PVT1: variants seen among roughly 807,000 people sequenced by gnomAD.
PVT1 encodes the protein CXCR4/PVT1 fusion.
At chr8:128,052,062 A>G (rs553286267) in intron 4 of PVT1, among the ~76,000 whole-genome samples, 3 of 152,132 alleles carry the variant, frequency 2.0e-5, no homozygotes, top group South Asian at 2.1e-4. Flanking sequence ...TTCTTTACCA[A>G]TTAGCTTTGG....
At chr8:127,977,131 TACTC>T (rs1422238136) in intron 3 of PVT1, among the ~76,000 whole-genome samples, 1 of 152,236 alleles carries the variant, frequency 6.6e-6, no homozygotes, top group Non-Finnish European at 1.5e-5. Context: ...CCTCATCACT[TACTC>T]TTGTTTGCAC....
intron 3 of PVT1, among the ~76,000 whole-genome samples, chr8:127,929,199 GT>G (rs34027484): frequency 0.051 from 6,990 of 138,004 alleles, 424 homozygotes; most frequent in African/African-American, 0.16. Context: ...TCATTTTTCT[GT>G]TTTTTTTTTT....
At chr8:127,984,646 G>A (rs1052933412) in intron 3 of PVT1, among the ~76,000 whole-genome samples, 1 of 152,026 alleles carries the variant, frequency 6.6e-6, no homozygotes, top group Non-Finnish European at 1.5e-5. Context: ...TTGCTCTGTC[G>A]CCCAGGCTGG....
At chr8:128,061,691 A>C (rs1327073031) in intron 4 of PVT1, among the ~76,000 whole-genome samples, 2 of 152,194 alleles carry the variant, frequency 1.3e-5, no homozygotes, top group Admixed American at 1.3e-4. Flanking sequence ...CATTCATATG[A>C]CGGTGCTAGA....
chr8:127,893,772 T>G (rs1815640291), intron 3 of PVT1, among the ~76,000 whole-genome samples: 1 of 152,228 alleles, frequency 6.6e-6, no homozygotes, highest in Admixed American at 6.5e-5. Flanking sequence ...AGCTGGCTAA[T>G]TTCTCTTCTC....
rs982639363 is a variant in PVT1 at position 127,812,452 on chromosome 8, C to T, written n.372+16381C>T. Among the ~76,000 whole-genome samples, 3 of 152,030 alleles carry T rather than the reference C, an allele frequency of 2.0e-5. No individual in the cohort carries two copies. In the South Asian group the frequency reaches 6.2e-4, roughly 32 times the overall value. On this transcript the variant is annotated intron_variant and non_coding_transcript_variant, in intron 2 of 10. Coordinates refer to ENST00000651587, the Ensembl canonical transcript of PVT1. ...AGCCAGTGGCATGCACCTGTGGTCC[C>T]AGGAGGCCAAAGCTGGAGGATTGCT...
intron 3 of PVT1, among the ~76,000 whole-genome samples, chr8:127,914,211 C>T (rs778651760): frequency 5.9e-4 from 76 of 128,644 alleles, no homozygotes; most frequent in Admixed American, 9.6e-4. Context: ...TGAGATACCC[C>T]TTCATACCTA....
intron 2 of PVT1, among the ~76,000 whole-genome samples, chr8:127,856,553 C>T (rs957605489): frequency 5.3e-5 from 8 of 151,970 alleles, no homozygotes; most frequent in African/African-American, 1.9e-4. Flanking sequence ...GTTGGTCAGG[C>T]TGGTCTCGAA....
intron 4 of PVT1, among the ~76,000 whole-genome samples, chr8:128,020,300 A>C (rs1273041912): frequency 6.6e-6 from 1 of 152,242 alleles, no homozygotes; most frequent in Non-Finnish European, 1.5e-5. Flanking sequence ...GTTACTAATC[A>C]ATTGACTTCT....
chr8:128,079,509 G>A (rs1586510784), intron 5 of PVT1, among the ~76,000 whole-genome samples: 1 of 152,094 alleles, frequency 6.6e-6, no homozygotes, highest in Admixed American at 6.5e-5. Context: ...TCTTTGTGTT[G>A]TATAGTTCTG....
intron 3 of PVT1, among the ~76,000 whole-genome samples, chr8:127,926,309 G>T (rs977073692): frequency 2.0e-5 from 3 of 152,174 alleles, no homozygotes; most frequent in African/African-American, 7.2e-5. Context: ...GTGACTAATT[G>T]TAGTGGTTGT....
At chr8:127,815,234 TG>T (rs1207718925) in intron 2 of PVT1, among the ~76,000 whole-genome samples, 2 of 152,232 alleles carry the variant, frequency 1.3e-5, no homozygotes, top group Non-Finnish European at 2.9e-5. Flanking sequence ...CCCTAAGTGC[TG>T]GGATTACAGG....
chr8:128,047,469 T>C (rs1290163458), intron 4 of PVT1, among the ~76,000 whole-genome samples: 1 of 152,162 alleles, frequency 6.6e-6, no homozygotes, highest in African/African-American at 2.4e-5. Flanking sequence ...ACCCTTTTAC[T>C]AGAGCCCCAC....
intron 4 of PVT1, among the ~76,000 whole-genome samples, chr8:128,002,887 T>C (rs1817196598): frequency 6.6e-6 from 1 of 152,100 alleles, no homozygotes; most frequent in Non-Finnish European, 1.5e-5. Flanking sequence ...TTTTTTTCCT[T>C]TTCTTTTCTT....
At chr8:127,808,800 C>T (rs538535328) in intron 2 of PVT1, among the ~76,000 whole-genome samples, 23 of 151,876 alleles carry the variant, frequency 1.5e-4, no homozygotes, top group Admixed American at 9.8e-4. Context: ...CAGGCTGAGG[C>T]GGGCAGATCA....
rs116649914 is a variant in PVT1, at chr8:127,944,578, C to A, written n.783-44584C>A. ...CATTTTTTTTTTTTTTAAATGGTGA[C>A]CCAAGTTCCATTATGGACGATCAGG... On this transcript the variant is annotated intron_variant and non_coding_transcript_variant, in intron 3 of 10. Transcript: ENST00000651587. Among the ~76,000 whole-genome samples, 3 of 149,876 alleles carry A rather than the reference C, an allele frequency of 2.0e-5. No homozygotes were observed. The South Asian group carries it at 6.3e-4, about 31-fold the overall frequency.
intron 2 of PVT1, among the ~76,000 whole-genome samples, chr8:127,819,092 C>T (rs1318511751): frequency 6.6e-6 from 1 of 152,196 alleles, no homozygotes; most frequent in Non-Finnish European, 1.5e-5. Flanking sequence ...TGCTCTCTAA[C>T]TGGCTGCGAG....
At chr8:128,014,156 C>CT (rs1817345304) in intron 4 of PVT1, among the ~76,000 whole-genome samples, 1 of 152,144 alleles carries the variant, frequency 6.6e-6, no homozygotes, top group Non-Finnish European at 1.5e-5. Flanking sequence ...GGGAATGTGT[C>CT]TTTTTTGCAT....
chr8:127,868,770 CATATATATATAT>C (rs869296227), intron 2 of PVT1, among the ~76,000 whole-genome samples: 2 of 504 alleles, frequency 4.0e-3, no homozygotes, highest in Admixed American at 0.026. Flanking sequence ...TTCCTTTTAA[CATATATATATAT>C]ATATATATAT....
Sources: allele counts gnomAD v4.1 joint callset (sites outside exome capture counted in the v4.1 genomes callset), GRCh38; gene constraint gnomAD v4.1.1; transcripts MANE v1.5; gene names NCBI Gene and HGNC (gene_info 2026-07-23, HGNC 2026-07-21).